The following GRID2 variants were observed in gnomAD, a reference collection of about 807,000 sequenced individuals.
GRID2 encodes the protein glutamate ionotropic receptor delta type subunit 2.
GRID2 carries 33 observed loss-of-function variants against 114.8 expected under a neutral mutation model. The observed-to-expected ratio is 0.29, with a 90% CI of 0.22 to 0.38. GRID2 has a LOEUF of 0.38. Among genes scored for constraint, GRID2 ranks in the 10% least tolerant of loss-of-function variants. The pLI, the probability that GRID2 is intolerant of heterozygous loss-of-function variation, is 1.00. For missense variants in GRID2, 1,184 were observed against 1,257.7 expected, an observed-to-expected ratio of 0.94 and a Z score of 0.89; for synonymous variants, 505 against 449.9, an observed-to-expected ratio of 1.12 and a Z score of -1.55.
chr4:92,454,172 A>C (rs1418098877), intron 1 of GRID2, among the ~76,000 whole-genome samples: 1 of 152,150 alleles, frequency 6.6e-6, no homozygotes, highest in Non-Finnish European at 1.5e-5. Flanking sequence ...CTAAGTCATA[A>C]ATGTGTTTTT....
intron 1 of GRID2, among the ~76,000 whole-genome samples, chr4:92,349,412 C>A (rs1015030313): frequency 6.6e-6 from 1 of 151,640 alleles, no homozygotes; most frequent in African/African-American, 2.4e-5. Context: ...CTATTATTAA[C>A]CTGTGACAGA....
chr4:92,449,554 C>G (rs1720775514), intron 1 of GRID2, among the ~76,000 whole-genome samples: 1 of 150,934 alleles, frequency 6.6e-6, no homozygotes, highest in Admixed American at 6.6e-5. Context: ...CATTTGTATA[C>G]ACTCTTCATA....
chr4:92,322,992 C>T (rs1416190571), intron 1 of GRID2, among the ~76,000 whole-genome samples: 1 of 152,034 alleles, frequency 6.6e-6, no homozygotes, highest in Non-Finnish European at 1.5e-5. Context: ...TTCTCCCTAT[C>T]TGCTAATTGA....
intron 8 of GRID2, among the ~76,000 whole-genome samples, chr4:93,246,993 A>T (rs2149525237): frequency 6.6e-6 from 1 of 152,226 alleles, no homozygotes; most frequent in South Asian, 2.1e-4. Flanking sequence ...GAGTTTCTGG[A>T]AGGGTTAGCA....
intron 2 of GRID2, among the ~76,000 whole-genome samples, chr4:92,596,562 C>G (rs1728964360): frequency 6.6e-6 from 1 of 152,168 alleles, no homozygotes; most frequent in African/African-American, 2.4e-5. Flanking sequence ...CCTTGCCTGT[C>G]ACATTCTAAA....
intron 2 of GRID2, among the ~76,000 whole-genome samples, chr4:92,818,156 C>G (rs1031866647): frequency 8.5e-5 from 13 of 152,102 alleles, no homozygotes; most frequent in African/African-American, 3.1e-4. Context: ...CACTAAACTT[C>G]AACTGTGAAC....
intron 1 of GRID2, among the ~76,000 whole-genome samples, chr4:92,369,180 A>G (rs561521607): frequency 1.3e-5 from 2 of 152,154 alleles, no homozygotes; most frequent in South Asian, 2.1e-4. Context: ...ATTTTTTCCT[A>G]GGTGCCAAGT....
intron 8 of GRID2, among the ~76,000 whole-genome samples, chr4:93,330,686 T>C (rs1287631565): frequency 6.6e-6 from 1 of 152,140 alleles, no homozygotes; most frequent in East Asian, 1.9e-4. Context: ...TTGTCTTCCA[T>C]ATATCTGTTT....
chr4:93,061,115 T>A (rs1298881682), intron 2 of GRID2, among the ~76,000 whole-genome samples: 1 of 72,866 alleles, frequency 1.4e-5, no homozygotes, highest in Non-Finnish European at 2.9e-5. Flanking sequence ...AATAAATAAA[T>A]AAATAAATAA....
chr4:92,328,331 A>C (rs1726701376), intron 1 of GRID2, among the ~76,000 whole-genome samples: 1 of 152,154 alleles, frequency 6.6e-6, no homozygotes, highest in Admixed American at 6.6e-5. Flanking sequence ...CTTTATCACT[A>C]AAGATACCAG....
intron 1 of GRID2, among the ~76,000 whole-genome samples, chr4:92,376,757 G>A (rs1214615235): frequency 1.3e-5 from 2 of 152,138 alleles, no homozygotes; most frequent in Non-Finnish European, 2.9e-5. Context: ...TTGTGCGCTT[G>A]CAGACTCAAC....
intron 1 of GRID2, among the ~76,000 whole-genome samples, chr4:93,780,363 C>A (rs1000136579): frequency 6.6e-6 from 1 of 152,064 alleles, no homozygotes; most frequent in Non-Finnish European, 1.5e-5. Context: ...TAAAGAATAG[C>A]GAGACGATCA....
At chr4:92,560,746 G>A (rs750076217) in intron 1 of GRID2, among the ~76,000 whole-genome samples, 31 of 151,760 alleles carry the variant, frequency 2.0e-4, no homozygotes, top group Admixed American at 6.6e-4. Flanking sequence ...CACTCTTGAC[G>A]CCCAGACTGG....
At chr4:93,374,395 T>C (rs535195436) in intron 8 of GRID2, among the ~76,000 whole-genome samples, 15 of 152,228 alleles carry the variant, frequency 9.9e-5, no homozygotes, top group Admixed American at 2.6e-4. Flanking sequence ...ATCAATCAGT[T>C]ACAAAGGAAT....
intron 14 of GRID2, among the ~76,000 whole-genome samples, chr4:93,634,021 T>C (rs1721189044): frequency 6.6e-6 from 1 of 152,088 alleles, no homozygotes; most frequent in Non-Finnish European, 1.5e-5. Flanking sequence ...AAACCAGAAG[T>C]TAAACAGTTA....
chr4:92,487,672 A>G (rs1187170205), intron 1 of GRID2, among the ~76,000 whole-genome samples: 2 of 151,922 alleles, frequency 1.3e-5, no homozygotes, highest in Non-Finnish European at 2.9e-5. Context: ...TGGCTTTACT[A>G]ATTTTCTCTT....
intron 9 of GRID2, among the ~76,000 whole-genome samples, chr4:93,396,934 T>C (rs749216425): frequency 6.6e-6 from 1 of 151,998 alleles, no homozygotes; most frequent in Non-Finnish European, 1.5e-5. Flanking sequence ...TAGTACTTTA[T>C]TTTTCTTCAG....
intron 2 of GRID2, among the ~76,000 whole-genome samples, chr4:92,864,474 T>C (rs1180779482): frequency 6.6e-6 from 1 of 152,168 alleles, no homozygotes; most frequent in African/African-American, 2.4e-5. Flanking sequence ...AGACATCCTT[T>C]ATGGAAGGAT....
intron 1 of GRID2, among the ~76,000 whole-genome samples, chr4:92,409,548 A>C (rs1731196527): frequency 6.6e-6 from 1 of 152,192 alleles, no homozygotes; most frequent in Admixed American, 6.6e-5. Flanking sequence ...TTTCAGACAT[A>C]TATTTCTCAA....
Sources: allele counts gnomAD v4.1 joint callset (sites outside exome capture counted in the v4.1 genomes callset), GRCh38; gene constraint gnomAD v4.1.1; transcripts MANE v1.5; gene names NCBI Gene and HGNC (gene_info 2026-07-23, HGNC 2026-07-21).